The following GPC6 variants were observed in gnomAD, a reference collection of about 807,000 sequenced individuals.
The protein encoded by GPC6 is glypican 6.
In GPC6, 14 loss-of-function variants were observed where a neutral mutation model predicts 55.2. The observed-to-expected ratio is 0.25, with a 90% CI of 0.17 to 0.40. The LOEUF (loss-of-function observed/expected upper bound fraction) is 0.40. GPC6 is among the 10% of genes least tolerant of loss of function. GPC6 has a pLI of 1.00. For synonymous variants in GPC6, 278 were observed against 259.6 expected, an observed-to-expected ratio of 1.07 and a Z score of -0.68; for missense variants, 641 against 708.5, an observed-to-expected ratio of 0.90 and a Z score of 1.08.
chr13:93,396,894 T>G (rs187986661), intron 1 of GPC6, among the ~76,000 whole-genome samples: 2 of 152,252 alleles, frequency 1.3e-5, no homozygotes. Flanking sequence ...TTTAAAAATT[T>G]CACAACCTTC....
chr13:93,407,422 A>T (rs1391331925), intron 1 of GPC6, among the ~76,000 whole-genome samples: 1 of 152,110 alleles, frequency 6.6e-6, no homozygotes, highest in Non-Finnish European at 1.5e-5. Context: ...ATTGTATTTT[A>T]TGGCTGAGAC....
At chr13:93,332,261 CTTTT>C (rs202196621) in intron 1 of GPC6, among the ~76,000 whole-genome samples, 2 of 129,930 alleles carry the variant, frequency 1.5e-5, no homozygotes, top group African/African-American at 2.8e-5. Flanking sequence ...TTCTGTTTTT[CTTTT>C]TTTTTTTTTT....
chr13:93,402,605 G>A (rs954209583), intron 1 of GPC6, among the ~76,000 whole-genome samples: 2 of 152,168 alleles, frequency 1.3e-5, no homozygotes, highest in African/African-American at 2.4e-5. Context: ...GCGCTACACC[G>A]TACTGACAGT....
chr13:93,457,011 C>A (rs889380615), intron 1 of GPC6, among the ~76,000 whole-genome samples: 2 of 152,284 alleles, frequency 1.3e-5, no homozygotes, highest in Middle Eastern at 3.4e-3. Context: ...GATGATTTTA[C>A]AAGGAGTTTC....
chr13:93,699,896 C>G (rs1209096491), intron 2 of GPC6, among the ~76,000 whole-genome samples: 2 of 151,864 alleles, frequency 1.3e-5, no homozygotes, highest in African/African-American at 2.4e-5. Context: ...CTTACCTTTC[C>G]TTGGCATAAC....
At chr13:94,078,563 T>A (rs2138792832) in intron 4 of GPC6, among the ~76,000 whole-genome samples, 1 of 151,752 alleles carries the variant, frequency 6.6e-6, no homozygotes, top group African/African-American at 2.4e-5. Flanking sequence ...AGAAGAGACA[T>A]TAAAAATTGA....
At position 93,298,900 on chromosome 13, in the gene GPC6, G is replaced by GT. The variant is rs138697717; in HGVS notation, c.160+71298dup. ...ACCACAGTAGCACTTTTCTCTTAGG[G>GT]TTTTTTTTTTTTTTGGAATTAGTCA... On this transcript the variant is annotated intron_variant, in intron 1 of 8. Coordinates refer to ENST00000377047, the MANE Select transcript of GPC6 (RefSeq NM_005708.5). Among the ~76,000 whole-genome samples the GT allele has an allele frequency of 4.2e-3, 589 of 140,304 alleles. 4 individuals are homozygous for GT. Among genetic ancestry groups the GT allele is most frequent in the African/African-American group, 8.7e-3 (337 of 38,562 alleles). 92.0% of individuals were successfully genotyped at this position (140,304 alleles called of 152,430 possible). A position where few individuals can be genotyped will look rare whatever the true frequency, so the allele number is the denominator to read the frequency against.
At chr13:94,208,753 C>CAAAAAA (rs762261930) in intron 4 of GPC6, among the ~76,000 whole-genome samples, 4 of 36,240 alleles carry the variant, frequency 1.1e-4, no homozygotes, top group Admixed American at 3.4e-4. Flanking sequence ...TCCCATCTCC[C>CAAAAAA]AAAAAAAAAA....
intron 3 of GPC6, among the ~76,000 whole-genome samples, chr13:93,993,309 T>C (rs77120211): frequency 6.6e-6 from 1 of 151,484 alleles, no homozygotes; most frequent in Non-Finnish European, 1.5e-5. Flanking sequence ...TTTTTTTTTT[T>C]TGAAATGGAG....
At chr13:93,574,733 T>C (rs1015351859) in intron 2 of GPC6, among the ~76,000 whole-genome samples, 1 of 152,188 alleles carries the variant, frequency 6.6e-6, no homozygotes, top group African/African-American at 2.4e-5. Context: ...ATGCCCATTA[T>C]ACTCCACTGC....
intron 1 of GPC6, among the ~76,000 whole-genome samples, chr13:93,285,616 CTGTGTGTGTGTGTGTG>C (rs754671051): frequency 4.8e-5 from 5 of 103,530 alleles, no homozygotes; most frequent in East Asian, 3.1e-4. Context: ...GTATATACTG[CTGTGTGTGTGTGTGTG>C]TGTGTGTGTG....
chr13:94,268,595 G>C (rs1244878736), intron 4 of GPC6, among the ~76,000 whole-genome samples: 1 of 152,106 alleles, frequency 6.6e-6, no homozygotes, highest in Non-Finnish European at 1.5e-5. Context: ...TAAATCAATT[G>C]TTGGAGTGTT....
At chr13:94,326,176 C>T (rs1877104165) in intron 6 of GPC6, among the ~76,000 whole-genome samples, 1 of 151,338 alleles carries the variant, frequency 6.6e-6, no homozygotes, top group African/African-American at 2.4e-5. Context: ...TTTTCTTCCA[C>T]TAAGATCAGG....
At chr13:94,164,147 A>G (rs1326726215) in intron 4 of GPC6, among the ~76,000 whole-genome samples, 1 of 152,222 alleles carries the variant, frequency 6.6e-6, no homozygotes, top group Non-Finnish European at 1.5e-5. Flanking sequence ...TGAACTTGAA[A>G]AAACAGCTTG....
intron 2 of GPC6, among the ~76,000 whole-genome samples, chr13:93,701,992 T>G (rs1882685391): frequency 6.6e-6 from 1 of 152,062 alleles, no homozygotes; most frequent in Non-Finnish European, 1.5e-5. Context: ...ATTTGACCTC[T>G]TCCATGAATT....
At chr13:93,431,762 A>T (rs1298310987) in intron 1 of GPC6, among the ~76,000 whole-genome samples, 6 of 152,182 alleles carry the variant, frequency 3.9e-5, no homozygotes, top group Non-Finnish European at 2.9e-5. Context: ...GCAGAAAAAG[A>T]TGGACAACGT....
chr13:94,180,749 T>C (rs769461575), intron 4 of GPC6, among the ~76,000 whole-genome samples: 21 of 152,174 alleles, frequency 1.4e-4, no homozygotes, highest in Non-Finnish European at 2.4e-4. Context: ...AGGATTTTTT[T>C]CAAAAATCTA....
intron 2 of GPC6, among the ~76,000 whole-genome samples, chr13:93,583,528 C>A (rs1025346914): frequency 1.3e-5 from 2 of 152,108 alleles, no homozygotes; most frequent in African/African-American, 4.8e-5. Context: ...AAGGGATTCT[C>A]CTGACTCAGC....
At chr13:93,958,174 C>T (rs759277352) in intron 3 of GPC6, among the ~76,000 whole-genome samples, 2 of 152,136 alleles carry the variant, frequency 1.3e-5, no homozygotes, top group Non-Finnish European at 2.9e-5. Context: ...TGTCTGTTTA[C>T]TCTATTGATA....
Sources: gnomAD v4.1 joint callset for allele counts (sites outside exome capture counted in the v4.1 genomes callset) on GRCh38, gnomAD v4.1.1 for gene constraint, MANE v1.5 for transcripts, NCBI Gene and HGNC (gene_info 2026-07-23, HGNC 2026-07-21) for gene names.